Variants in AFG1L observed in about 807,000 individuals in gnomAD.
AFG1L encodes AFG1-like ATPase.
A neutral mutation model predicts 62.2 loss-of-function variants in AFG1L; 53 were observed. That is an observed-to-expected ratio of 0.85 (90% confidence interval 0.68 to 1.07). The LOEUF (loss-of-function observed/expected upper bound fraction) is 1.07. AFG1L is among the 50% of genes least tolerant of loss of function. The probability of loss-of-function intolerance (pLI) is 0.00; values close to 1 mark genes in which losing one functional copy is unlikely to be tolerated. For missense variants in AFG1L, 555 were observed against 590.5 expected (o/e 0.94, Z 0.62); for synonymous variants, 228 against 210.3 (o/e 1.08, Z -0.73).
intron 10 of AFG1L, among the ~76,000 whole-genome samples, chr6:108,485,716 AC>A (rs1294489195): frequency 5.5e-5 from 6 of 110,054 alleles, no homozygotes; most frequent in Non-Finnish European, 1.0e-4. Context: ...TTTTGCCCAG[AC>A]TGGAGTTCAG....
chr6:108,401,855 G>T (rs1196759130), intron 6 of AFG1L, 141 bp from the exon 7 acceptor site: 1 of 505,016 alleles, frequency 2.0e-6, no homozygotes, highest in African/African-American at 2.1e-5. Flanking sequence ...GACCCAAAGA[G>T]AAATCAATTT....
In AFG1L at chr6:108,367,462, C is replaced by T. The variant is rs192149395; in HGVS notation, c.748+1130C>T. Among the ~76,000 whole-genome samples the T allele has an allele frequency of 2.6e-5, 4 of 152,034 alleles. No homozygotes were observed. In the East Asian group the frequency reaches 7.7e-4, roughly 29 times the overall value. On this transcript the variant is annotated intron_variant, in intron 6 of 12. Transcript: ENST00000368977. ...TAAAGTGGTGAGAAGAGGGCAGGTT[C>T]TGGATGTACTATATAGGCAGAGTCA...
intron 11 of AFG1L, among the ~76,000 whole-genome samples, chr6:108,517,717 G>A (rs957969012): frequency 1.3e-5 from 2 of 152,070 alleles, no homozygotes; most frequent in African/African-American, 4.8e-5. Flanking sequence ...TGAACAGGCA[G>A]CCTACAGAAT....
chr6:108,381,353 CTTT>C, intron 6 of AFG1L, among the ~76,000 whole-genome samples: 1 of 142,822 alleles, frequency 7.0e-6, no homozygotes. Context: ...TTTTACTTTT[CTTT>C]TTTTTTTTTA....
At chr6:108,448,653 G>A (rs1159245075) in intron 8 of AFG1L, among the ~76,000 whole-genome samples, 1 of 152,076 alleles carries the variant, frequency 6.6e-6, no homozygotes, top group Admixed American at 6.5e-5. Flanking sequence ...TTTGCTTGGA[G>A]CGTAGCCATT....
At chr6:108,499,939 CT>C (rs1198977228) in intron 10 of AFG1L, among the ~76,000 whole-genome samples, 1 of 152,066 alleles carries the variant, frequency 6.6e-6, no homozygotes, top group African/African-American at 2.4e-5. Context: ...TTTTCTAACC[CT>C]TGCCCCCTTT....
Position 108,473,559 on chromosome 6 carries a change from A to T in AFG1L, c.891-3306A>T, listed in dbSNP as rs544820158. Among the ~76,000 whole-genome samples the T allele has an allele frequency of 5.0e-4, 76 of 152,050 alleles. 1 individual carries two copies. The South Asian group carries it at 5.4e-3, about 11-fold the overall frequency. ...TTAAAAAGCAGCTCACTTTTTTAAA[A>T]TTTTTTTTATTTTTTGAGACAGAGT... On this transcript the variant is annotated intron_variant, in intron 8 of 12. Transcript: ENST00000368977.
rs973638439 is a variant in AFG1L at position 108,525,211 on chromosome 6, C to G, written c.*2786C>G. ...GTTCCCAGACTTAACAGAGGTCAAG[C>G]GGAGAAAAAGGAAAACTTTCTTTAG... On this transcript the variant is annotated 3_prime_UTR_variant, in exon 13 of 13. Coordinates refer to ENST00000368977, the MANE Select transcript of AFG1L (RefSeq NM_145315.5). The G allele has an allele frequency of 6.6e-6, 1 of 151,862 alleles. No individual in the cohort carries two copies. Among genetic ancestry groups the G allele is most frequent in the Middle Eastern group, 3.2e-3 (1 of 316 alleles). 9.4% of individuals were successfully genotyped at this position (151,862 alleles called of 1,614,324 possible). A position where few individuals can be genotyped will look rare whatever the true frequency, so the allele number is the denominator to read the frequency against.
chr6:108,373,317 C>A (rs1440185916), intron 6 of AFG1L, among the ~76,000 whole-genome samples: 1 of 152,114 alleles, frequency 6.6e-6, no homozygotes, highest in Non-Finnish European at 1.5e-5. Context: ...TGCATTAATT[C>A]ATTTAGGCTA....
intron 8 of AFG1L, among the ~76,000 whole-genome samples, chr6:108,452,786 A>G (rs1485770783): frequency 6.6e-6 from 1 of 151,830 alleles, no homozygotes; most frequent in Non-Finnish European, 1.5e-5. Context: ...AGTGGAGGGG[A>G]GGGTGTTTTG....
At chr6:108,300,349 G>A (rs1417615474) in intron 1 of AFG1L, among the ~76,000 whole-genome samples, 9 of 151,894 alleles carry the variant, frequency 5.9e-5, no homozygotes, top group South Asian at 2.1e-4. Flanking sequence ...ACAGGGTTTC[G>A]CCATGTTGGC....
chr6:108,343,736 T>C (rs1433524753), intron 2 of AFG1L, among the ~76,000 whole-genome samples: 1 of 151,994 alleles, frequency 6.6e-6, no homozygotes, highest in Non-Finnish European at 1.5e-5. Context: ...ACAAGAAAAA[T>C]TAAGAAGTTT....
intron 2 of AFG1L, chr6:108,344,699 A>G (rs2114407297): frequency 2.1e-6 from 1 of 470,800 alleles, no homozygotes. Flanking sequence ...GCTAAGTGGC[A>G]TAATCTTCAC....
chr6:108,426,680 C>G lies in AFG1L; in HGVS notation c.808-20534C>G, dbSNP rs542678473. 3.9e-5 allele frequency among the ~76,000 whole-genome samples: 6 copies of G among 152,214 alleles called. No individual in the cohort carries two copies. In the East Asian group the frequency reaches 1.2e-3, roughly 29 times the overall value. On this transcript the variant is annotated intron_variant, in intron 7 of 12. Transcript: ENST00000368977. Reference sequence around the variant, plus strand: ...ATCAGCTTTTTCCCAGCACCAGCACCAGTCTTTGGGGACAATACTCAAAGA... The same window carrying G: ...ATCAGCTTTTTCCCAGCACCAGCACGAGTCTTTGGGGACAATACTCAAAGA...
intron 6 of AFG1L, among the ~76,000 whole-genome samples, chr6:108,400,567 A>G (rs1274553100): frequency 7.3e-6 from 1 of 137,586 alleles, no homozygotes; most frequent in Non-Finnish European, 1.5e-5. Flanking sequence ...ATTTATATAA[A>G]TATATATTTA....
chr6:108,325,304 C>G (rs1265177090), intron 2 of AFG1L, among the ~76,000 whole-genome samples: 1 of 152,148 alleles, frequency 6.6e-6, no homozygotes, highest in East Asian at 1.9e-4. Flanking sequence ...ATCCTCATCT[C>G]TTTGGATGCT....
At chr6:108,328,140 A>G (rs146261635) in intron 2 of AFG1L, among the ~76,000 whole-genome samples, 2 of 152,370 alleles carry the variant, frequency 1.3e-5, no homozygotes, top group Non-Finnish European at 2.9e-5. Flanking sequence ...TGTACTGCAT[A>G]TCTAGTTATA....
intron 6 of AFG1L, among the ~76,000 whole-genome samples, chr6:108,367,293 T>C (rs1292610971): frequency 6.6e-6 from 1 of 152,102 alleles, no homozygotes; most frequent in Non-Finnish European, 1.5e-5. Flanking sequence ...AGAATGAACA[T>C]TGGATGATTG....
intron 7 of AFG1L, among the ~76,000 whole-genome samples, chr6:108,417,067 T>C (rs1770329828): frequency 6.6e-6 from 1 of 151,656 alleles, no homozygotes; most frequent in African/African-American, 2.4e-5. Context: ...ACCTCATCTC[T>C]ACAAAAAAAT....
Sources: allele counts gnomAD v4.1 joint callset (sites outside exome capture counted in the v4.1 genomes callset), GRCh38; gene constraint gnomAD v4.1.1; transcripts MANE v1.5; gene names NCBI Gene and HGNC (gene_info 2026-07-23, HGNC 2026-07-21).